The following ITSN1 variants were observed in gnomAD, a reference collection of about 807,000 sequenced individuals.
The protein encoded by ITSN1 is intersectin 1.
In ITSN1, 58 loss-of-function variants were observed where a neutral mutation model predicts 239.8. The ratio of observed to expected loss-of-function variants is 0.24; its 90% CI spans 0.20 to 0.30. ITSN1 has a LOEUF of 0.30. ITSN1 is among the 10% of genes least tolerant of loss of function. ITSN1 has a pLI of 1.00. For missense variants in ITSN1, 1,558 were observed against 2,103.3 expected (o/e 0.74, Z 5.07); for synonymous variants, 780 against 770.8 (o/e 1.01, Z -0.20).
At chr21:33,834,575 T>TGTGG in intron 28 of ITSN1, 151 bp downstream of exon 28, 1 of 649,260 alleles carries the variant, frequency 1.5e-6, no homozygotes, top group East Asian at 2.7e-5. Context: ...ACTAATGTGA[T>TGTGG]ATGGAATATG....
chr21:33,784,566 T>C (rs998287608), intron 16 of ITSN1, among the ~76,000 whole-genome samples: 1 of 152,228 alleles, frequency 6.6e-6, no homozygotes, highest in African/African-American at 2.4e-5. Context: ...GTTTTGTTAT[T>C]TAACACGCAT....
Position 33,883,615 on chromosome 21 carries a change from C to T in ITSN1, c.4620C>T (p.Phe1540=). 1 of 1,613,948 alleles carries T rather than the reference C, an allele frequency of 6.2e-7. No homozygotes were observed. The highest frequency in any genetic ancestry group is 8.5e-7 in the Non-Finnish European group (1 of 1,179,872). The part of the protein sequence containing the change: ...PTDPSGDEPI[F]HISHIDRVYT... The stretch of plus-strand genomic sequence containing the variant: ...ACCCTTCTGGAGACGAGCCCATCTT[C>T]CACATCTCCCACATTGACCGCGTCT... The change falls in exon 36 of 40, where the codon TTC becomes TTT. Residue 1540 remains phenylalanine (F), a synonymous_variant. Coordinates refer to ENST00000381318, the MANE Select transcript of ITSN1 (RefSeq NM_003024.3).
At chr21:33,656,888 T>C (rs1455075882) in intron 1 of ITSN1, among the ~76,000 whole-genome samples, 2 of 151,970 alleles carry the variant, frequency 1.3e-5, no homozygotes, top group Non-Finnish European at 2.9e-5. Context: ...TTTTTTGCAT[T>C]TTTAGCATTT....
chr21:33,829,526 T>C, intron 26 of ITSN1, 98 bp from the exon 27 acceptor site: 1 of 1,268,416 alleles, frequency 7.9e-7, no homozygotes, highest in Non-Finnish European at 1.1e-6. Flanking sequence ...TTGGTTTTGA[T>C]GTGTTCATCT....
intron 1 of ITSN1, among the ~76,000 whole-genome samples, chr21:33,710,806 T>G (rs946591541): frequency 2.1e-5 from 3 of 141,354 alleles, no homozygotes; most frequent in East Asian, 2.3e-4. Flanking sequence ...AAGTTTTTTG[T>G]TTTTTTTTTT....
intron 12 of ITSN1, among the ~76,000 whole-genome samples, chr21:33,774,208 G>A (rs1222010215): frequency 2.6e-5 from 4 of 152,130 alleles, no homozygotes; most frequent in East Asian, 3.9e-4. Context: ...TCTAGCAGTC[G>A]TCAGAGCCAG....
At chr21:33,772,705 T>C (rs2069260847) in intron 12 of ITSN1, among the ~76,000 whole-genome samples, 1 of 152,240 alleles carries the variant, frequency 6.6e-6, no homozygotes, top group South Asian at 2.1e-4. Context: ...TTATTCCTGT[T>C]TATGGCTGAG....
intron 29 of ITSN1, among the ~76,000 whole-genome samples, chr21:33,847,030 G>A (rs1406495737): frequency 2.0e-5 from 3 of 152,220 alleles, no homozygotes; most frequent in South Asian, 2.1e-4. Flanking sequence ...CTATGCAGCC[G>A]CTGTGAATGA....
Position 33,797,675 on chromosome 21 carries a change from C to A in ITSN1, c.2182+67C>A. ...CTCTCCCAGAGCCTCCTGAAAAATG[C>A]CCCTATCTCATCAGTACCTGTCTTG... On this transcript the variant is annotated intron_variant, in intron 18 of 39. Transcript: ENST00000381318. This position sits in a 1 kb window ranked among gnomAD's most constrained non-coding sequence, Gnocchi z 4.9. 7.7e-7 allele frequency: 1 copy of A among 1,294,254 alleles called. No individual in the cohort carries two copies. Among genetic ancestry groups the A allele is most frequent in the Non-Finnish European group, 1.1e-6 (1 of 910,866 alleles). 80.2% of individuals were successfully genotyped at this position (1,294,254 alleles called of 1,614,324 possible).
At chr21:33,877,930 G>A (rs574843816) in intron 34 of ITSN1, among the ~76,000 whole-genome samples, 2 of 150,084 alleles carry the variant, frequency 1.3e-5, no homozygotes, top group South Asian at 2.1e-4. Context: ...TGTTGGGTGA[G>A]TCATTCTGAG....
chr21:33,730,348 C>G (rs1372094942), intron 4 of ITSN1, among the ~76,000 whole-genome samples: 1 of 148,942 alleles, frequency 6.7e-6, no homozygotes, highest in Non-Finnish European at 1.5e-5. Flanking sequence ...ACTTCCTTTC[C>G]TCCTTACATT....
At chr21:33,655,362 T>C (rs1024748768) in intron 1 of ITSN1, among the ~76,000 whole-genome samples, 3 of 152,198 alleles carry the variant, frequency 2.0e-5, no homozygotes, top group Non-Finnish European at 4.4e-5. Flanking sequence ...TACAGTATTA[T>C]GTGCATCTGT....
At chr21:33,742,431 T>A (rs1442640308) in intron 5 of ITSN1, among the ~76,000 whole-genome samples, 1 of 152,216 alleles carries the variant, frequency 6.6e-6, no homozygotes, top group Non-Finnish European at 1.5e-5. Context: ...TGTGTACATT[T>A]GTAACAGTGC....
chr21:33,814,899 G>A (rs1181881973), intron 22 of ITSN1, among the ~76,000 whole-genome samples: 3 of 152,178 alleles, frequency 2.0e-5, no homozygotes, highest in African/African-American at 4.8e-5. Context: ...AGGCGAGCAC[G>A]TGGGAGAGAC....
intron 39 of ITSN1, among the ~76,000 whole-genome samples, chr21:33,886,998 G>T (rs1016444549): frequency 4.6e-5 from 7 of 152,184 alleles, no homozygotes; most frequent in African/African-American, 1.2e-4. Flanking sequence ...ATGATTCCAA[G>T]AAACTACCTG....
At chr21:33,757,910 T>C (rs2068034074) in intron 8 of ITSN1, among the ~76,000 whole-genome samples, 1 of 152,132 alleles carries the variant, frequency 6.6e-6, no homozygotes, top group Non-Finnish European at 1.5e-5. Flanking sequence ...AGAGACTTGC[T>C]TTGTTACCCA....
rs371476437 is a variant in ITSN1, at chr21:33,886,368, A to G, written c.4925A>G (p.Lys1642Arg). 10 of 1,613,846 alleles carry G rather than the reference A, an allele frequency of 6.2e-6. No individual in the cohort carries two copies. The East Asian group carries it at 1.6e-4, about 25-fold the overall frequency. The stretch of plus-strand genomic sequence containing the variant: ...ACGATCCAGGACACTCTGAACCCCA[A>G]GTGGAATTCCAACTGCCAGTTCTTC... ...TKTIQDTLNP[K>R]WNSNCQFFIR... The change falls in exon 39 of 40, where the codon AAG becomes AGG. Residue 1642 changes from lysine (K) to arginine (R), a missense_variant. This residue lies in a region of ITSN1 where 576 missense variants were observed against 893.3 expected (regional missense o/e 0.64). Coordinates refer to ENST00000381318, the MANE Select transcript of ITSN1 (RefSeq NM_003024.3).
intron 18 of ITSN1, 147 bp from the exon 19 acceptor site, chr21:33,799,659 ATG>A: frequency 2.5e-6 from 2 of 794,642 alleles, no homozygotes; most frequent in Admixed American, 5.7e-5. Flanking sequence ...GGCATTCAGT[ATG>A]TGTTTCAGAA....
At chr21:33,821,427 A>G (rs2073668478) in intron 24 of ITSN1, among the ~76,000 whole-genome samples, 1 of 152,244 alleles carries the variant, frequency 6.6e-6, no homozygotes, top group South Asian at 2.1e-4. Flanking sequence ...ACCACATTGA[A>G]CATAATCAAA....
Sources: gnomAD v4.1 joint callset for allele counts (sites outside exome capture counted in the v4.1 genomes callset) on GRCh38, gnomAD v4.1.1 for gene constraint, gnomAD v4.1.1 regional missense constraint, Gnocchi (gnomAD v3.1) non-coding constraint, MANE v1.5 for transcripts, NCBI Gene and HGNC (gene_info 2026-07-23, HGNC 2026-07-21) for gene names.